PHYHIP: variants seen among roughly 807,000 people sequenced by gnomAD.
PHYHIP encodes phytanoyl-CoA hydroxylase-interacting protein.
A neutral mutation model predicts 26.1 loss-of-function variants in PHYHIP; 7 were observed. The observed-to-expected ratio is 0.27, with a 90% confidence interval of 0.15 to 0.50. PHYHIP has a LOEUF of 0.50. PHYHIP is among the 20% of genes least tolerant of loss of function. The pLI, the probability that PHYHIP is intolerant of heterozygous loss-of-function variation, is 0.98. For missense variants in PHYHIP, 232 were observed against 454.7 expected, an observed-to-expected ratio of 0.51 and a Z score of 4.45; for synonymous variants, 206 against 183.4, an observed-to-expected ratio of 1.12 and a Z score of -1.00.
At chr8:22,228,501 C>T (rs1829797946) in intron 1 of PHYHIP, 115 bp from the exon 2 acceptor site, 11 of 623,706 alleles carry the variant, frequency 1.8e-5, no homozygotes, top group South Asian at 1.8e-4. Flanking sequence ...AATCCACATG[C>T]CTCATGAACC....
At chr8:22,226,826 CAG>C in intron 3 of PHYHIP, 23 bp downstream of exon 3, 1 of 1,597,272 alleles carries the variant, frequency 6.3e-7, no homozygotes, top group African/African-American at 1.3e-5. Flanking sequence ...AGCAGCAGGA[CAG>C]GGGTGTGATA....
chr8:22,227,954 A>G (rs1004758860), intron 2 of PHYHIP, among the ~76,000 whole-genome samples: 3 of 152,352 alleles, frequency 2.0e-5, no homozygotes, highest in South Asian at 4.1e-4. Context: ...AGCACCACGC[A>G]AACATGACTC....
intron 1 of PHYHIP, among the ~76,000 whole-genome samples, chr8:22,230,397 T>A (rs972899843): frequency 1.3e-5 from 2 of 151,986 alleles, no homozygotes; most frequent in African/African-American, 4.8e-5. Flanking sequence ...GACCTGGGTG[T>A]CTGCTTGTCC....
intron 1 of PHYHIP, chr8:22,228,653 C>G (rs1044985194): frequency 1.1e-5 from 3 of 264,404 alleles, no homozygotes; most frequent in Non-Finnish European, 2.1e-5. Context: ...AGTGGGAATG[C>G]TGCAAAGCCG....
chr8:22,221,724 T>C lies in PHYHIP; in HGVS notation c.622A>G (p.Ile208Val). The C allele has an allele frequency of 6.2e-7, 1 of 1,613,178 alleles. No individual in the cohort carries two copies. Among genetic ancestry groups the C allele is most frequent in the Non-Finnish European group, 8.5e-7 (1 of 1,179,794 alleles). ...DSPYGRWRFQIPAQRLFNPST... is the reference protein window; with the variant it reads ...DSPYGRWRFQVPAQRLFNPST... ...GGATTGAAGAGGCGCTGAGCTGGGATCTGGAAGCGCCAGCGGCCGTAGGGG... is the reference window on the plus strand; with the variant it reads ...GGATTGAAGAGGCGCTGAGCTGGGACCTGGAAGCGCCAGCGGCCGTAGGGG... The change falls in exon 5 of 5, where the codon ATC becomes GTC. Residue 208 changes from isoleucine to valine, a missense_variant. By Grantham distance (29) the Ile-to-Val change is conservative. Coordinates refer to ENST00000454243, the MANE Select transcript of PHYHIP (RefSeq NM_014759.5). The surrounding 1 kb of genome is among the most constrained non-coding windows in gnomAD (Gnocchi z 7.9).
At position 22,220,195 on chromosome 8, in the gene PHYHIP, T is replaced by A. The variant is rs1829586610; in HGVS notation, c.*1158A>T. The A allele has an allele frequency of 6.6e-6, 1 of 152,278 alleles. No homozygotes were observed. The highest frequency in any genetic ancestry group is 2.1e-4 in the South Asian group (1 of 4,816). 9.4% of individuals were successfully genotyped at this position (152,278 alleles called of 1,614,324 possible). On this transcript the variant is annotated 3_prime_UTR_variant, in exon 5 of 5. Coordinates refer to ENST00000454243, the MANE Select transcript of PHYHIP (RefSeq NM_014759.5). Reference sequence around the variant, plus strand: ...ACAGGCTCTCTGTTTGCTTTGTTGATTGTAGGGAGTCCACCCTCGTGACCT... The same window carrying A: ...ACAGGCTCTCTGTTTGCTTTGTTGAATGTAGGGAGTCCACCCTCGTGACCT...
chr8:22,228,808 G>A lies in PHYHIP; in HGVS notation c.-29-422C>T, dbSNP rs149769901. 9.5e-3 allele frequency: 1,504 copies of A among 158,018 alleles called. 12 individuals are homozygous for A. Among genetic ancestry groups the A allele is most frequent in the Non-Finnish European group, 0.014 (1,000 of 71,592 alleles). 9.8% of individuals were successfully genotyped at this position (158,018 alleles called of 1,614,324 possible). A position where few individuals can be genotyped will look rare whatever the true frequency, so the allele number is the denominator to read the frequency against. Reference sequence around the variant, plus strand: ...AGCACCTGCTGTGGAGCGGAGGTGCGAGGCTTGGGGCAGGTGACAGCCAAG... The same window carrying A: ...AGCACCTGCTGTGGAGCGGAGGTGCAAGGCTTGGGGCAGGTGACAGCCAAG... On this transcript the variant is annotated intron_variant, in intron 1 of 4. Transcript: ENST00000454243.
intron 1 of PHYHIP, among the ~76,000 whole-genome samples, chr8:22,230,419 C>T (rs373304742): frequency 2.6e-5 from 4 of 152,066 alleles, no homozygotes; most frequent in Admixed American, 6.5e-5. Context: ...TCCCTCCCTA[C>T]GGTTCTGGGA....
chr8:22,230,652 G>A (rs542771681), intron 1 of PHYHIP, among the ~76,000 whole-genome samples: 4 of 151,596 alleles, frequency 2.6e-5, no homozygotes, highest in African/African-American at 7.3e-5. Flanking sequence ...GCACGCACGC[G>A]CATACACACA....
chr8:22,225,263 C>G (rs2131925566), intron 3 of PHYHIP, among the ~76,000 whole-genome samples: 1 of 152,124 alleles, frequency 6.6e-6, no homozygotes, highest in East Asian at 1.9e-4. Flanking sequence ...TCACTTGAGC[C>G]CAGGAGTTTG....
In PHYHIP at chr8:22,221,180, T is replaced by C; in HGVS notation, c.*173A>G. The C allele has an allele frequency of 1.6e-6, 1 of 619,062 alleles. No individual in the cohort carries two copies. The highest frequency in any genetic ancestry group is 2.7e-6 in the Non-Finnish European group (1 of 366,124). 38.3% of individuals were successfully genotyped at this position (619,062 alleles called of 1,614,324 possible). ...CCACCAGGCTGGGTGTGGGCCACAC[T>C]TACCAAGAGGACCACCGTCTGTTGC... On this transcript the variant is annotated 3_prime_UTR_variant, in exon 5 of 5. Transcript: ENST00000454243. This position sits in a 1 kb window ranked among gnomAD's most constrained non-coding sequence, Gnocchi z 7.9.
In PHYHIP at chr8:22,221,592, C is replaced by T. The variant is rs747024466; in HGVS notation, c.754G>A (p.Asp252Asn). 4.3e-6 allele frequency: 7 copies of T among 1,613,844 alleles called. No homozygotes were observed. The highest frequency in any genetic ancestry group is 5.9e-6 in the Non-Finnish European group (7 of 1,179,984). Residue 252 changes from aspartate (D) to asparagine (N), a missense_variant, in exon 5 of 5, where the codon GAC (aspartate) becomes AAC (asparagine). Physicochemically the swap from Asp to Asn is conservative, Grantham distance 23. Coordinates refer to ENST00000454243, the MANE Select transcript of PHYHIP (RefSeq NM_014759.5). This position sits in a 1 kb window ranked among gnomAD's most constrained non-coding sequence, Gnocchi z 7.9. Reference sequence around the variant, plus strand: ...GCAATGTCCAGGAGGGGCAGGCGGTCGCGGCAGAAGCGGTCCCCCAGGGAG... The same window carrying T: ...GCAATGTCCAGGAGGGGCAGGCGGTTGCGGCAGAAGCGGTCCCCCAGGGAG... ...KGSLGDRFCR[D>N]RLPLLDIACN...
intron 4 of PHYHIP, 143 bp downstream of exon 4, chr8:22,224,083 T>G (rs1829691283): frequency 1.5e-6 from 1 of 655,010 alleles, no homozygotes; most frequent in African/African-American, 1.8e-5. Flanking sequence ...AGAGCCAGCC[T>G]GGTGACGTCA....
At position 22,225,753 on chromosome 8, in the gene PHYHIP, C is replaced by T. The variant is rs368362602; in HGVS notation, c.340+1098G>A. ...CCGGGAGGCGGAGATTGCAGTGAGC[C>T]GAGATCACGCCACTGCACTCCAGCC... On this transcript the variant is annotated intron_variant, in intron 3 of 4. Transcript: ENST00000454243. Among the ~76,000 whole-genome samples the T allele has an allele frequency of 4.7e-5, 7 of 148,418 alleles. No homozygotes were observed. In the South Asian group the frequency reaches 1.3e-3, roughly 27 times the overall value.
chr8:22,221,178 A>G lies in PHYHIP; in HGVS notation c.*175T>C. On this transcript the variant is annotated 3_prime_UTR_variant, in exon 5 of 5. Coordinates refer to ENST00000454243, the MANE Select transcript of PHYHIP (RefSeq NM_014759.5). This position sits in a 1 kb window ranked among gnomAD's most constrained non-coding sequence, Gnocchi z 7.9. ...GTCCACCAGGCTGGGTGTGGGCCAC[A>G]CTTACCAAGAGGACCACCGTCTGTT... is the stretch of plus-strand genomic sequence containing the variant. 1 of 611,448 alleles carries G rather than the reference A, an allele frequency of 1.6e-6. No homozygotes were observed. Among genetic ancestry groups the G allele is most frequent in the South Asian group, 2.5e-5 (1 of 40,206 alleles). The allele number at this position is 611,448 out of a possible 1,614,324, so 37.9% of individuals were successfully genotyped here.
intron 2 of PHYHIP, chr8:22,227,832 C>G (rs1273043319): frequency 2.4e-6 from 1 of 417,684 alleles, no homozygotes; most frequent in East Asian, 6.8e-5. Flanking sequence ...CTTGAGACGT[C>G]ATCCCCATAG....
At chr8:22,228,120 C>T (rs1829788217) in intron 2 of PHYHIP, 73 bp downstream of exon 2, 2 of 1,260,142 alleles carry the variant, frequency 1.6e-6, no homozygotes, top group South Asian at 1.3e-5. Flanking sequence ...GCCATCACTT[C>T]CAGGTGTTCC....
At position 22,221,604 on chromosome 8, in the gene PHYHIP, G is replaced by A. The variant is rs770079577; in HGVS notation, c.742C>T (p.Arg248Cys). 13 of 1,613,846 alleles carry A rather than the reference G, an allele frequency of 8.1e-6. No individual in the cohort carries two copies. Among genetic ancestry groups the A allele is most frequent in the Middle Eastern group, 1.7e-4 (1 of 6,060 alleles). ...VLAPKGSLGD[R>C]FCRDRLPLLD... ...AGGGGCAGGCGGTCGCGGCAGAAGC[G>A]GTCCCCCAGGGAGCCTTTGGGCGCC... is the stretch of plus-strand genomic sequence containing the variant. Residue 248 changes from arginine (R) to cysteine (C), a missense_variant, in exon 5 of 5, where the codon CGC becomes TGC. Coordinates refer to ENST00000454243, the MANE Select transcript of PHYHIP (RefSeq NM_014759.5). This position sits in a 1 kb window ranked among gnomAD's most constrained non-coding sequence, Gnocchi z 7.9.
At chr8:22,222,236 A>AC in intron 4 of PHYHIP, among the ~76,000 whole-genome samples, 1 of 147,560 alleles carries the variant, frequency 6.8e-6, no homozygotes. Context: ...CCACTTACCC[A>AC]CCCCCTGCAC....
Sources: allele counts gnomAD v4.1 joint callset (sites outside exome capture counted in the v4.1 genomes callset), GRCh38; gene constraint gnomAD v4.1.1; non-coding constraint Gnocchi (gnomAD v3.1); transcripts MANE v1.5; gene names NCBI Gene and HGNC (gene_info 2026-07-23, HGNC 2026-07-21).